The following NPSR1 variants were observed in gnomAD, a reference collection of about 807,000 sequenced individuals.
NPSR1 encodes the protein neuropeptide S receptor 1, also known as neuropeptide S receptor.
A neutral mutation model predicts 46.9 loss-of-function variants in NPSR1; 48 were observed. That is an observed-to-expected ratio of 1.02 (90% CI 0.81 to 1.30). The LOEUF (loss-of-function observed/expected upper bound fraction) is 1.30. Ranked by LOEUF, NPSR1 falls within the 50% of genes most tolerant of loss-of-function variation. The pLI, the probability that NPSR1 is intolerant of heterozygous loss-of-function variation, is 0.00. For missense variants in NPSR1, 450 were observed against 449.5 expected, an observed-to-expected ratio of 1.00 and a Z score of -0.01; for synonymous variants, 176 against 168.1, an observed-to-expected ratio of 1.05 and a Z score of -0.36.
At chr7:34,835,298 C>G (rs969391362) in intron 6 of NPSR1, among the ~76,000 whole-genome samples, 1 of 152,196 alleles carries the variant, frequency 6.6e-6, no homozygotes, top group African/African-American at 2.4e-5. Context: ...TTCACACACT[C>G]AGTCTCACAC....
At chr7:34,850,651 T>C (rs1343820004), downstream of NPSR1, among the ~76,000 whole-genome samples, 1 of 152,086 alleles carries the variant, frequency 6.6e-6, no homozygotes, top group Non-Finnish European at 1.5e-5. Context: ...CTGCCTGCCT[T>C]GGCCTCCCAA....
chr7:34,849,579 A>G lies in NPSR1; in HGVS notation c.1040A>G (p.Gln347Arg). The change falls in exon 9 of 9, where the codon CAG becomes CGG. Residue 347 changes from glutamine to arginine, a missense_variant. Transcript: ENST00000360581. The stretch of plus-strand genomic sequence containing the variant: ...ACTTTCTCCAGGGAGCAAAGATCAC[A>G]GGATTCCAGAATGACGTTCCGGGAG... ...ISFPCREQRS[Q>R]DSRMTFRERT... 1 of 1,614,184 alleles carries G rather than the reference A, an allele frequency of 6.2e-7. No homozygotes were observed.
chr7:34,834,522 T>C (rs879758005), intron 6 of NPSR1, 62 bp downstream of exon 6: 108 of 1,179,782 alleles, frequency 9.2e-5, no homozygotes, highest in Non-Finnish European at 1.3e-4. Context: ...GGTTTTCTTC[T>C]AGCAAATGTG....
chr7:34,860,099 G>A (rs1163127015), intron 8 of NPSR1, among the ~76,000 whole-genome samples: 4 of 151,608 alleles, frequency 2.6e-5, no homozygotes, highest in Non-Finnish European at 4.4e-5. Context: ...ACATAAAGAT[G>A]GACTTTAATC....
In NPSR1 at chr7:34,711,243, A is replaced by G. The variant is rs1783269556; in HGVS notation, c.280+26559A>G. 1.8e-5 allele frequency: 3 copies of G among 162,212 alleles called. No individual in the cohort carries two copies. The South Asian group carries it at 5.1e-4, about 28-fold the overall frequency. The allele number at this position is 162,212 out of a possible 1,614,324, so 10.0% of individuals were successfully genotyped here. A position where few individuals can be genotyped will look rare whatever the true frequency, so the allele number is the denominator to read the frequency against. Reference sequence around the variant, plus strand: ...CATTGTTATGGCAAGATCAATAAGAAGAGAACTGCCATGATAGATACCAAT... The same window carrying G: ...CATTGTTATGGCAAGATCAATAAGAGGAGAACTGCCATGATAGATACCAAT... On this transcript the variant is annotated intron_variant, in intron 2 of 8. Coordinates refer to ENST00000360581, the MANE Select transcript of NPSR1 (RefSeq NM_207172.2).
At chr7:34,870,040 G>C (rs1472751033) in intron 8 of NPSR1, among the ~76,000 whole-genome samples, 1 of 151,716 alleles carries the variant, frequency 6.6e-6, no homozygotes, top group Non-Finnish European at 1.5e-5. Context: ...CTTAGTCCAG[G>C]CTGCTCTCTG....
Position 34,731,189 on chromosome 7 carries a change from C to G in NPSR1, c.280+46505C>G, listed in dbSNP as rs535388603. Among the ~76,000 whole-genome samples, 3 of 151,902 alleles carry G rather than the reference C, an allele frequency of 2.0e-5. No homozygotes were observed. The East Asian group carries it at 5.8e-4, about 29-fold the overall frequency. ...TAGAATATAAATAATATTTACATAG[C>G]TGATCAAGAGTTAATATACTCACTA... On this transcript the variant is annotated intron_variant, in intron 2 of 8. Coordinates refer to ENST00000360581, the MANE Select transcript of NPSR1 (RefSeq NM_207172.2).
chr7:34,836,518 G>A (rs561662862), intron 6 of NPSR1, among the ~76,000 whole-genome samples: 3 of 151,988 alleles, frequency 2.0e-5, no homozygotes, highest in Non-Finnish European at 4.4e-5. Context: ...TCATATATTA[G>A]ATTGTTGTAT....
intron 2 of NPSR1, among the ~76,000 whole-genome samples, chr7:34,709,630 C>T (rs1174408282): frequency 6.6e-6 from 1 of 152,164 alleles, no homozygotes; most frequent in Non-Finnish European, 1.5e-5. Context: ...GCAATTGTCA[C>T]ATTCTATTCT....
intron 8 of NPSR1, among the ~76,000 whole-genome samples, chr7:34,866,283 G>A (rs10249038): frequency 0.18 from 27,596 of 150,814 alleles, 2,607 homozygotes; most frequent in Non-Finnish European, 0.23. Context: ...GAATTCAAAT[G>A]AGATAAGTCA....
intron 8 of NPSR1, 118 bp from the exon 9 acceptor site, chr7:34,849,447 C>G: frequency 6.3e-7 from 1 of 1,598,970 alleles, no homozygotes; most frequent in Non-Finnish European, 8.5e-7. Context: ...TGTAAAGTGC[C>G]TGGCACAGTT....
chr7:34,814,094 G>T (rs1789125136), intron 4 of NPSR1, among the ~76,000 whole-genome samples: 3 of 152,356 alleles, frequency 2.0e-5, no homozygotes, highest in Non-Finnish European at 4.4e-5. Flanking sequence ...GTGAGCCAAA[G>T]CAGGGCAGGG....
chr7:34,786,428 A>G (rs1787470326), intron 3 of NPSR1, among the ~76,000 whole-genome samples: 1 of 152,152 alleles, frequency 6.6e-6, no homozygotes, highest in South Asian at 2.1e-4. Context: ...TGAAATCTTG[A>G]ACCCATCAAA....
chr7:34,750,655 C>A (rs1785470671), intron 2 of NPSR1: 1 of 694,286 alleles, frequency 1.4e-6, no homozygotes, highest in Non-Finnish European at 2.7e-6. Flanking sequence ...GTAGCTTGCC[C>A]ATAACTGACA....
At chr7:34,817,644 A>G (rs979128982) in intron 4 of NPSR1, among the ~76,000 whole-genome samples, 103 of 146,574 alleles carry the variant, frequency 7.0e-4, no homozygotes, top group African/African-American at 2.4e-3. Context: ...AATATCCTTG[A>G]TGAACATCGA....
In NPSR1 at chr7:34,878,128, C is replaced by T. The variant is rs7809642; in HGVS notation, c.1078C>T (p.Arg360Ter). 338,272 of 1,606,046 alleles carry T rather than the reference C, an allele frequency of 0.21. 37,739 individuals carry two copies. Among genetic ancestry groups the T allele is most frequent in the Non-Finnish European group, 0.23 (275,878 of 1,174,456 alleles). ...GGCTGCGCTAATGCTCTGCCCTCAA[C>T]GAGAGAACTGGAAGGGTACTTGGCC... The change falls in exon 9 of 9, where the codon CGA (arginine) becomes TGA (stop). Residue 360 changes from arginine to a stop codon, truncating the protein, a stop_gained. Transcript: ENST00000359791. LOFTEE classifies it low-confidence loss of function (END_TRUNC).
chr7:34,740,795 G>T (rs1784903857), intron 2 of NPSR1, among the ~76,000 whole-genome samples: 1 of 152,076 alleles, frequency 6.6e-6, no homozygotes, highest in Admixed American at 6.6e-5. Flanking sequence ...TCCTGCAGAG[G>T]GTCTGTGGGT....
At chr7:34,838,910 A>G (rs1180843968) in intron 6 of NPSR1, among the ~76,000 whole-genome samples, 1 of 152,156 alleles carries the variant, frequency 6.6e-6, no homozygotes, top group African/African-American at 2.4e-5. Flanking sequence ...GAACAGACAA[A>G]TTTCTCGTTA....
intron 3 of NPSR1, among the ~76,000 whole-genome samples, chr7:34,784,112 A>C (rs183206037): frequency 4.6e-5 from 7 of 152,308 alleles, no homozygotes; most frequent in African/African-American, 1.7e-4. Context: ...CTAGATATAC[A>C]ATCATGTCAT....
Sources: gnomAD v4.1 joint callset for allele counts (sites outside exome capture counted in the v4.1 genomes callset) on GRCh38, gnomAD v4.1.1 for gene constraint, MANE v1.5 for transcripts, NCBI Gene and HGNC (gene_info 2026-07-23, HGNC 2026-07-21) for gene names.